The following CTTNBP2 variants were observed in gnomAD, a reference collection of about 807,000 sequenced individuals.
CTTNBP2 encodes the protein cortactin binding protein 2.
A neutral mutation model predicts 156.9 loss-of-function variants in CTTNBP2; 108 were observed. That is an observed-to-expected ratio of 0.69 (90% CI 0.59 to 0.81). The LOEUF (loss-of-function observed/expected upper bound fraction) is 0.81, where lower values mean the gene tolerates loss of function less well. CTTNBP2 is among the 30% of genes least tolerant of loss of function. The pLI is 0.00. For synonymous variants in CTTNBP2, 767 were observed against 751.8 expected, an observed-to-expected ratio of 1.02 and a Z score of -0.33; for missense variants, 1,924 against 2,035.4, an observed-to-expected ratio of 0.95 and a Z score of 1.05.
chr7:117,788,618 C>T (rs1387939211), intron 4 of CTTNBP2, among the ~76,000 whole-genome samples: 1 of 152,024 alleles, frequency 6.6e-6, no homozygotes, highest in Non-Finnish European at 1.5e-5. Context: ...GTCACAGTGG[C>T]GAAAATAGGG....
At chr7:117,746,169 G>T (rs914276009) in intron 12 of CTTNBP2, 70 bp from the exon 13 acceptor site, 4 of 1,017,598 alleles carry the variant, frequency 3.9e-6, no homozygotes, top group Non-Finnish European at 4.6e-6. Flanking sequence ...TGGTACACAG[G>T]TGTGGAATTC....
chr7:117,711,836 C>A, intron 22 of CTTNBP2, 54 bp from the exon 23 acceptor site: 1 of 1,536,860 alleles, frequency 6.5e-7, no homozygotes. Context: ...CTGTTATGAG[C>A]CCTACCCCTG....
intron 2 of CTTNBP2, among the ~76,000 whole-genome samples, chr7:117,823,699 ACTT>A (rs1323835653): frequency 6.6e-6 from 1 of 152,044 alleles, no homozygotes; most frequent in Non-Finnish European, 1.5e-5. Context: ...CTTCTTGGAC[ACTT>A]TTCGTTTGTT....
Position 117,711,407 on chromosome 7 carries a change from A to C in CTTNBP2, c.*130T>G, listed in dbSNP as rs1794044669. 1 of 981,614 alleles carries C rather than the reference A, an allele frequency of 1.0e-6. No homozygotes were observed. Among genetic ancestry groups the C allele is most frequent in the African/African-American group, 1.7e-5 (1 of 60,604 alleles). The allele number at this position is 981,614 out of a possible 1,614,324, so 60.8% of individuals were successfully genotyped here. On this transcript the variant is annotated 3_prime_UTR_variant, in exon 23 of 23. Transcript: ENST00000160373. ...TACATTCTTTACAAAAAAAAATTGA[A>C]TAGTGGTCCCGCACTCATAATTTAT...
At chr7:117,854,212 A>T (rs560027933) in intron 2 of CTTNBP2, among the ~76,000 whole-genome samples, 15 of 152,222 alleles carry the variant, frequency 9.9e-5, no homozygotes, top group Non-Finnish European at 2.1e-4. Flanking sequence ...TGTTTTCATA[A>T]ATTCAGCTCT....
chr7:117,718,168 C>CCTTGAGT, intron 21 of CTTNBP2, 49 bp from the exon 22 acceptor site: 1 of 1,125,590 alleles, frequency 8.9e-7, no homozygotes, highest in Non-Finnish European at 1.3e-6. Flanking sequence ...TCACACTGTG[C>CCTTGAGT]ATACTCAAGG....
rs1250971967 is a variant in CTTNBP2, at chr7:117,784,233, A to C, written c.2272+18T>G. The C allele has an allele frequency of 6.1e-5, 96 of 1,571,382 alleles. No homozygotes were observed. The highest frequency in any genetic ancestry group is 8.1e-5 in the Non-Finnish European group (94 of 1,158,558). ...CATCCTTTTGCAAGTGTGTGGTATA[A>C]GATCTCGCCATATTTACCTGTATGT... On this transcript the variant is annotated intron_variant, in intron 5 of 22. Transcript: ENST00000160373.
chr7:117,711,625 TTAC>T lies in CTTNBP2; in HGVS notation c.4901_4903del (p.Ser1634del), dbSNP rs761680181. On this transcript the variant is annotated inframe_deletion, in exon 23 of 23. Coordinates refer to ENST00000160373, the MANE Select transcript of CTTNBP2 (RefSeq NM_033427.3). ...GTTGTTGATTTCTATTTGCCTTGTA[TTAC>T]TGCTGCTGCTGCTTCTTTTGGTGTT... 3 of 1,614,086 alleles carry T rather than the reference TTAC, an allele frequency of 1.9e-6. No individual in the cohort carries two copies. The highest frequency in any genetic ancestry group is 2.2e-5 in the East Asian group (1 of 44,876).
At chr7:117,717,079 C>CACAACTAATGAGTGAGACATTTCT (rs1361306662) in intron 22 of CTTNBP2, among the ~76,000 whole-genome samples, 1 of 152,182 alleles carries the variant, frequency 6.6e-6, no homozygotes, top group Non-Finnish European at 1.5e-5. Context: ...TCTGCATCCT[C>CACAACTAATGAGTGAGACATTTCT]ACAACTAATG....
chr7:117,828,782 C>T (rs893316411), intron 2 of CTTNBP2, among the ~76,000 whole-genome samples: 2 of 152,212 alleles, frequency 1.3e-5, no homozygotes, highest in Non-Finnish European at 2.9e-5. Flanking sequence ...CAGCAATCAG[C>T]TTCCCTTGTC....
intron 19 of CTTNBP2, 68 bp downstream of exon 19, chr7:117,724,479 T>A: frequency 1.2e-5 from 16 of 1,303,300 alleles, no homozygotes; most frequent in East Asian, 2.3e-5. Flanking sequence ...GAAAGCATAT[T>A]TGCTTTCAGA....
intron 2 of CTTNBP2, among the ~76,000 whole-genome samples, chr7:117,821,605 T>C (rs1468418536): frequency 6.6e-6 from 1 of 151,586 alleles, no homozygotes; most frequent in Admixed American, 6.6e-5. Context: ...TTTTTTTTTT[T>C]TGAGACGAAG....
At chr7:117,754,778 G>A (rs1796799095) in intron 12 of CTTNBP2, among the ~76,000 whole-genome samples, 2 of 152,184 alleles carry the variant, frequency 1.3e-5, no homozygotes, top group South Asian at 4.1e-4. Flanking sequence ...TTTGGTCTCT[G>A]ATTTGCTGTT....
At chr7:117,872,482 G>A (rs2117313336) in intron 1 of CTTNBP2, among the ~76,000 whole-genome samples, 1 of 152,224 alleles carries the variant, frequency 6.6e-6, no homozygotes, top group South Asian at 2.1e-4. Flanking sequence ...TTTCCACCCA[G>A]GAAATGTGGG....
intron 8 of CTTNBP2, among the ~76,000 whole-genome samples, chr7:117,774,164 A>T (rs186482733): frequency 6.6e-6 from 1 of 152,302 alleles, no homozygotes; most frequent in East Asian, 1.9e-4. Flanking sequence ...TAGTCAGGCC[A>T]GCTGTAGAGA....
Position 117,847,781 on chromosome 7 carries a change from T to C in CTTNBP2, c.189+13428A>G, listed in dbSNP as rs546863480. Among the ~76,000 whole-genome samples, 19 of 151,836 alleles carry C rather than the reference T, an allele frequency of 1.3e-4. 1 individual carries two copies. The South Asian group carries it at 3.7e-3, about 30-fold the overall frequency. Reference sequence around the variant, plus strand: ...CACTGATATGTTTTCCATGCTTTTGTTCCATGTCCAAATTTTTATAGATCT... The same window carrying C: ...CACTGATATGTTTTCCATGCTTTTGCTCCATGTCCAAATTTTTATAGATCT... On this transcript the variant is annotated intron_variant, in intron 2 of 22. Coordinates refer to ENST00000160373, the MANE Select transcript of CTTNBP2 (RefSeq NM_033427.3).
intron 3 of CTTNBP2, among the ~76,000 whole-genome samples, chr7:117,798,942 A>G (rs1799467125): frequency 5.9e-5 from 9 of 151,982 alleles, no homozygotes; most frequent in Admixed American, 5.9e-4. Context: ...CAATAAATTA[A>G]AAAATCCTCT....
intron 7 of CTTNBP2, among the ~76,000 whole-genome samples, chr7:117,778,482 C>G (rs1234840425): frequency 1.3e-5 from 2 of 152,098 alleles, no homozygotes; most frequent in Admixed American, 1.3e-4. Flanking sequence ...AATAGAAGTC[C>G]TTTTTAGGGC....
chr7:117,724,029 C>T (rs1010110145), intron 19 of CTTNBP2, among the ~76,000 whole-genome samples: 5 of 152,056 alleles, frequency 3.3e-5, no homozygotes, highest in Admixed American at 6.5e-5. Context: ...CATGCCTGGC[C>T]GGAATATATA....
Sources: gnomAD v4.1 joint callset for allele counts (sites outside exome capture counted in the v4.1 genomes callset) on GRCh38, gnomAD v4.1.1 for gene constraint, MANE v1.5 for transcripts, NCBI Gene and HGNC (gene_info 2026-07-23, HGNC 2026-07-21) for gene names.